Variants in DTNA observed in about 807,000 individuals in gnomAD.
The protein encoded by DTNA is dystrobrevin alpha.
A neutral mutation model predicts 100.7 loss-of-function variants in DTNA; 43 were observed. The ratio of observed to expected loss-of-function variants is 0.43; its 90% CI spans 0.33 to 0.55. The LOEUF is 0.55. DTNA is among the 20% of genes least tolerant of loss of function. The pLI is 0.04. For missense variants in DTNA, 798 were observed against 953.9 expected (o/e 0.84, Z 2.15); for synonymous variants, 349 against 347.9 (o/e 1.00, Z -0.04).
intron 1 of DTNA, among the ~76,000 whole-genome samples, chr18:34,513,179 G>A (rs750061323): frequency 1.1e-4 from 16 of 152,018 alleles, no homozygotes; most frequent in Non-Finnish European, 2.1e-4. Context: ...ACATTACTGT[G>A]AGCTGGATTT....
chr18:34,864,153 C>A, intron 17 of DTNA, 91 bp downstream of exon 17: 1 of 1,152,982 alleles, frequency 8.7e-7, no homozygotes, highest in Non-Finnish European at 1.2e-6. Flanking sequence ...TTTCCAATTG[C>A]TGTATGTGAT....
intron 13 of DTNA, among the ~76,000 whole-genome samples, chr18:34,839,621 T>C (rs1314515070): frequency 6.6e-6 from 1 of 152,202 alleles, no homozygotes; most frequent in Non-Finnish European, 1.5e-5. Flanking sequence ...TTCAGACTAT[T>C]GTTTTATAAA....
At chr18:34,775,474 T>G (rs2093997743) in intron 3 of DTNA, among the ~76,000 whole-genome samples, 1 of 151,688 alleles carries the variant, frequency 6.6e-6, no homozygotes. Flanking sequence ...AGAGCGAGAC[T>G]CCATCTCAAA....
chr18:34,614,176 G>A (rs2147638308), intron 1 of DTNA, among the ~76,000 whole-genome samples: 1 of 152,238 alleles, frequency 6.6e-6, no homozygotes, highest in Non-Finnish European at 1.5e-5. Context: ...ATGGTTTCCT[G>A]AATTTTTAAA....
chr18:34,576,048 C>T (rs1405384925), intron 1 of DTNA, among the ~76,000 whole-genome samples: 1 of 152,154 alleles, frequency 6.6e-6, no homozygotes, highest in Admixed American at 6.5e-5. Context: ...TTTCTCCCTA[C>T]ATTTATAAAG....
intron 1 of DTNA, among the ~76,000 whole-genome samples, chr18:34,508,200 GT>G (rs1305410184): frequency 1.3e-5 from 2 of 152,104 alleles, no homozygotes; most frequent in African/African-American, 4.8e-5. Flanking sequence ...CTGTTTTTAT[GT>G]TCTTTTCTAG....
intron 1 of DTNA, among the ~76,000 whole-genome samples, chr18:34,615,243 T>TAA (rs2055016623): frequency 1.3e-5 from 2 of 151,862 alleles, no homozygotes; most frequent in African/African-American, 4.8e-5. Flanking sequence ...CACACTCTTT[T>TAA]AAACAACCAA....
intron 1 of DTNA, among the ~76,000 whole-genome samples, chr18:34,671,669 G>A (rs1309952319): frequency 6.6e-6 from 1 of 152,172 alleles, no homozygotes; most frequent in African/African-American, 2.4e-5. Flanking sequence ...TAATGTAACT[G>A]ATAGAGTTCC....
chr18:34,743,659 A>C (rs16965826), intron 1 of DTNA, among the ~76,000 whole-genome samples: 16,741 of 152,202 alleles, frequency 0.11, 1,312 homozygotes, highest in African/African-American at 0.22. Context: ...CTTCTGCAAC[A>C]TAGAATTTTT....
intron 1 of DTNA, among the ~76,000 whole-genome samples, chr18:34,538,692 G>A (rs1350125381): frequency 1.3e-5 from 2 of 151,890 alleles, no homozygotes; most frequent in African/African-American, 4.8e-5. Flanking sequence ...CCTGATATAT[G>A]GTAAATACCC....
Position 34,779,170 on chromosome 18 carries a change from T to C in DTNA, c.148+13129T>C, listed in dbSNP as rs182325443. ...CATTCTAGCAAACAACACAACAATTTCAGATAGGAGCAAGTAATCTAAGGA... is the reference window on the plus strand; with the variant it reads ...CATTCTAGCAAACAACACAACAATTCCAGATAGGAGCAAGTAATCTAAGGA... On this transcript the variant is annotated intron_variant, in intron 3 of 22. Coordinates refer to ENST00000444659, the MANE Select transcript of DTNA (RefSeq NM_001386795.1). Among the ~76,000 whole-genome samples the C allele has an allele frequency of 7.9e-5, 12 of 152,306 alleles. No homozygotes were observed. In the East Asian group the frequency reaches 2.3e-3, roughly 29 times the overall value.
chr18:34,532,126 C>T (rs1034853735), intron 1 of DTNA, among the ~76,000 whole-genome samples: 5 of 152,228 alleles, frequency 3.3e-5, no homozygotes, highest in African/African-American at 1.2e-4. Context: ...CATCCGCCTC[C>T]TCTTAGTGCA....
At chr18:34,762,472 G>T (rs777163198) in intron 2 of DTNA, among the ~76,000 whole-genome samples, 1 of 152,128 alleles carries the variant, frequency 6.6e-6, no homozygotes, top group Non-Finnish European at 1.5e-5. Flanking sequence ...TCAATGACTC[G>T]AATGAAGACA....
intron 1 of DTNA, among the ~76,000 whole-genome samples, chr18:34,563,615 G>A (rs1382478063): frequency 6.6e-6 from 1 of 152,122 alleles, no homozygotes; most frequent in Non-Finnish European, 1.5e-5. Context: ...CACCTCATCA[G>A]TTCCTCCTTC....
In DTNA at chr18:34,855,298, G is replaced by A. The variant is rs775607800; in HGVS notation, c.1533-2987G>A. On this transcript the variant is annotated intron_variant, in intron 15 of 22. Coordinates refer to ENST00000444659, the MANE Select transcript of DTNA (RefSeq NM_001386795.1). The stretch of plus-strand genomic sequence containing the variant: ...TGGTCAGGCAAGTGACAGAATGTCC[G>A]CATGTTTATGGCAAAATAATCAGCT... Among the ~76,000 whole-genome samples, 9 of 152,152 alleles carry A rather than the reference G, an allele frequency of 5.9e-5. No individual in the cohort carries two copies. The East Asian group carries it at 1.3e-3, about 23-fold the overall frequency.
chr18:34,676,670 AC>A (rs1370402589), intron 1 of DTNA, among the ~76,000 whole-genome samples: 1 of 152,126 alleles, frequency 6.6e-6, no homozygotes, highest in Non-Finnish European at 1.5e-5. Flanking sequence ...TCTCATCTCT[AC>A]AAAACATACA....
chr18:34,840,153 C>T (rs563182735), intron 13 of DTNA, among the ~76,000 whole-genome samples: 1 of 152,202 alleles, frequency 6.6e-6, no homozygotes, highest in Non-Finnish European at 1.5e-5. Flanking sequence ...AAATGTATAA[C>T]CAGTACACTA....
At chr18:34,806,562 A>G (rs1014175495) in intron 5 of DTNA, among the ~76,000 whole-genome samples, 1 of 152,244 alleles carries the variant, frequency 6.6e-6, no homozygotes, top group East Asian at 1.9e-4. Flanking sequence ...AAATTAAAGT[A>G]AAATAAGCAC....
At chr18:34,516,294 CAG>C (rs1568572076) in intron 1 of DTNA, among the ~76,000 whole-genome samples, 1 of 152,050 alleles carries the variant, frequency 6.6e-6, no homozygotes, top group Admixed American at 6.6e-5. Flanking sequence ...TTGTGCATCA[CAG>C]AGATCACATG....
Sources: allele counts gnomAD v4.1 joint callset (sites outside exome capture counted in the v4.1 genomes callset), GRCh38; gene constraint gnomAD v4.1.1; transcripts MANE v1.5; gene names NCBI Gene and HGNC (gene_info 2026-07-23, HGNC 2026-07-21).